The following WNK1 variants were observed in gnomAD, a reference collection of about 807,000 sequenced individuals.
WNK1 encodes WNK lysine deficient protein kinase 1.
WNK1 carries 38 observed loss-of-function variants against 222.8 expected under a neutral mutation model. That is an observed-to-expected ratio of 0.17 (90% CI 0.13 to 0.22). The LOEUF (loss-of-function observed/expected upper bound fraction) is 0.22, where lower values mean the gene tolerates loss of function less well. Ranked by LOEUF, WNK1 falls within the 10% of genes least tolerant of loss-of-function variation. The pLI is 1.00. For synonymous variants in WNK1, 1,090 were observed against 1,092.9 expected (o/e 1.00, Z 0.05); for missense variants, 2,348 against 2,918.4 (o/e 0.80, Z 4.50).
chr12:844,139 T>C (rs1361842635), intron 4 of WNK1, among the ~76,000 whole-genome samples: 1 of 151,642 alleles, frequency 6.6e-6, no homozygotes, highest in African/African-American at 2.4e-5. Context: ...TATTTTATTT[T>C]ATTTTTTTTT....
At chr12:802,954 A>G (rs563304013) in intron 1 of WNK1, among the ~76,000 whole-genome samples, 2 of 152,344 alleles carry the variant, frequency 1.3e-5, no homozygotes, top group African/African-American at 4.8e-5. Context: ...CATAGTATTC[A>G]TATTTTGAAC....
chr12:868,064 G>T (rs771816071), intron 8 of WNK1: 2 of 1,614,020 alleles, frequency 1.2e-6, no homozygotes, highest in Admixed American at 1.7e-5. Flanking sequence ...GCTGAGGACT[G>T]TTGGCCAAAG....
intron 21 of WNK1, among the ~76,000 whole-genome samples, chr12:889,864 T>C (rs1954044255): frequency 6.6e-6 from 1 of 152,008 alleles, no homozygotes; most frequent in Admixed American, 6.6e-5. Flanking sequence ...TCTGTGAATA[T>C]CCAAGTTATA....
chr12:779,272 C>T (rs1245933767), intron 1 of WNK1, among the ~76,000 whole-genome samples: 1 of 152,060 alleles, frequency 6.6e-6, no homozygotes, highest in Non-Finnish European at 1.5e-5. Context: ...CTTCAGATTT[C>T]GAATTCCCTG....
intron 9 of WNK1, 64 bp downstream of exon 9, chr12:871,412 G>A: frequency 1.9e-6 from 3 of 1,543,694 alleles, no homozygotes; most frequent in Non-Finnish European, 8.9e-7. Flanking sequence ...TTTAACTTTT[G>A]TGATTTGTTA....
intron 5 of WNK1, 61 bp downstream of exon 5, chr12:857,310 G>C: frequency 7.3e-7 from 1 of 1,374,398 alleles, no homozygotes; most frequent in Non-Finnish European, 1.0e-6. Flanking sequence ...AATGTGCTTT[G>C]AGTACAACAC....
At chr12:818,328 T>A (rs2154018513) in intron 2 of WNK1, among the ~76,000 whole-genome samples, 1 of 152,330 alleles carries the variant, frequency 6.6e-6, no homozygotes, top group South Asian at 2.1e-4. Context: ...AGCATTAGAC[T>A]TGCAGTAGAA....
At chr12:892,809 G>T (rs956866355) in intron 22 of WNK1, among the ~76,000 whole-genome samples, 2 of 152,140 alleles carry the variant, frequency 1.3e-5, no homozygotes, top group Non-Finnish European at 1.5e-5. Context: ...AAATTCAGGG[G>T]TCTAATAGCC....
intron 3 of WNK1, 130 bp from the exon 4 acceptor site, chr12:829,873 T>C (rs931122222): frequency 1.1e-6 from 1 of 920,196 alleles, no homozygotes; most frequent in Non-Finnish European, 1.8e-6. Flanking sequence ...TCCTCTTTTC[T>C]CCCCCTTTCC....
At chr12:822,208 C>G (rs577041019) in intron 2 of WNK1, among the ~76,000 whole-genome samples, 3 of 151,376 alleles carry the variant, frequency 2.0e-5, no homozygotes, top group Admixed American at 2.0e-4. Context: ...ATTCTCCTGC[C>G]TCAGCCTCCT....
intron 26 of WNK1, chr12:906,599 C>T (rs1046831685): frequency 1.5e-5 from 15 of 985,238 alleles, no homozygotes; most frequent in Non-Finnish European, 1.7e-5. Flanking sequence ...CAGTCCTTTC[C>T]TCATGAATAA....
At position 887,095 on chromosome 12, in the gene WNK1, A is replaced by C. The variant is rs1455694341; in HGVS notation, c.5281-126A>C. 5 of 887,482 alleles carry C rather than the reference A, an allele frequency of 5.6e-6. No homozygotes were observed. In the African/African-American group the frequency reaches 8.3e-5, roughly 15 times the overall value. 55.0% of individuals were successfully genotyped at this position (887,482 alleles called of 1,614,324 possible). ...GATACCAGAGAGTAACCTCAGTGAT[A>C]AACATGTCTTAACTATATATATTTT... On this transcript the variant is annotated intron_variant, in intron 19 of 27. Coordinates refer to ENST00000315939, the MANE Select transcript of WNK1 (RefSeq NM_018979.4).
intron 4 of WNK1, among the ~76,000 whole-genome samples, chr12:855,756 C>T (rs1363946525): frequency 6.6e-6 from 1 of 152,124 alleles, no homozygotes; most frequent in Non-Finnish European, 1.5e-5. Flanking sequence ...AGATCTTTTT[C>T]TCTTTCACCC....
In WNK1 at chr12:880,848, C is replaced by T. The variant is rs779451133; in HGVS notation, c.2960C>T (p.Thr987Ile). 6.8e-6 allele frequency: 11 copies of T among 1,614,104 alleles called. No individual in the cohort carries two copies. The highest frequency in any genetic ancestry group is 4.2e-6 in the Non-Finnish European group (5 of 1,180,022). The change falls in exon 12 of 28, where the codon ACA (threonine) becomes ATA (isoleucine). Residue 987 changes from threonine (T) to isoleucine (I), a missense_variant. This residue lies in a region of WNK1 where 547 missense variants were observed against 558.3 expected (regional missense o/e 0.98). Coordinates refer to ENST00000315939, the MANE Select transcript of WNK1 (RefSeq NM_018979.4). ...SPPMPTEVLA[T>I]PGYFPTVVQP... ...CCCATGCCGACAGAAGTACTGGCTA[C>T]ACCTGGGTACTTTCCCACAGTGGTG...
rs775677046 is a variant in WNK1 at position 879,723 on chromosome 12, T to G, written c.2524T>G (p.Ser842Ala). The change falls in exon 11 of 28, where the codon TCT becomes GCT. Residue 842 changes from serine to alanine, a missense_variant. Coordinates refer to ENST00000315939, the MANE Select transcript of WNK1 (RefSeq NM_018979.4). ...PTPLLPQYPVSQIPISTPHVS... is the reference protein window; with the variant it reads ...PTPLLPQYPVAQIPISTPHVS... ...TCCCTTGCTCCCTCAGTACCCTGTCTCTCAGATTCCCATATCAACTCCTCA... is the reference window on the plus strand; with the variant it reads ...TCCCTTGCTCCCTCAGTACCCTGTCGCTCAGATTCCCATATCAACTCCTCA... The G allele has an allele frequency of 7.4e-6, 12 of 1,614,034 alleles. No homozygotes were observed. In the Admixed American group the frequency reaches 1.8e-4, roughly 25 times the overall value.
Position 859,405 on chromosome 12 carries a change from G to A in WNK1, c.1561G>A (p.Ala521Thr). Residue 521 changes from alanine (A) to threonine (T), a missense_variant, in exon 6 of 28, where the codon GCT (alanine) becomes ACT (threonine). Ala to Thr is a moderately conservative substitution (Grantham distance 58). Around this residue, in one of 13 missense-constraint regions of WNK1, gnomAD observed 37 missense variants for 102.8 expected, o/e 0.36. Transcript: ENST00000315939. ...AAAGGGAAAATACAAAGATAATGAAGCTATTGAGTTTTCTTTTGATTTAGA... is the reference window on the plus strand; with the variant it reads ...AAAGGGAAAATACAAAGATAATGAAACTATTGAGTTTTCTTTTGATTTAGA... The part of the protein sequence containing the change: ...KLKGKYKDNE[A>T]IEFSFDLERD... 1 of 1,612,778 alleles carries A rather than the reference G, an allele frequency of 6.2e-7. No individual in the cohort carries two copies. The highest frequency in any genetic ancestry group is 8.5e-7 in the Non-Finnish European group (1 of 1,179,358).
Position 752,687 on chromosome 12 carries a change from C to T in WNK1, c.-879C>T, listed in dbSNP as rs1939391732. The T allele has an allele frequency of 6.6e-6, 1 of 152,410 alleles. No individual in the cohort carries two copies. Among genetic ancestry groups the T allele is most frequent in the South Asian group, 2.1e-4 (1 of 4,838 alleles). 9.4% of individuals were successfully genotyped at this position (152,410 alleles called of 1,614,324 possible). ...GACAGAAGGCGCCTGGTGGGGGTGG[C>T]TGCTCTTTTCTCTCCCTGTTCCCCC... is the stretch of plus-strand genomic sequence containing the variant. On this transcript the variant is annotated 5_prime_UTR_variant, in exon 1 of 28. Transcript: ENST00000315939.
chr12:899,060 G>A (rs1954995120), intron 25 of WNK1, among the ~76,000 whole-genome samples: 1 of 152,078 alleles, frequency 6.6e-6, no homozygotes, highest in African/African-American at 2.4e-5. Context: ...TTTTAATTGG[G>A]ATAGATAGAG....
Position 865,199 on chromosome 12 carries a change from C to T in WNK1, c.2139+2929C>T, listed in dbSNP as rs1409792778. ...CATCTCTCCCAGTGCTCTTCCACCCCACCGCCAGTACTGTCTGCACCTCTT... is the reference window on the plus strand; with the variant it reads ...CATCTCTCCCAGTGCTCTTCCACCCTACCGCCAGTACTGTCTGCACCTCTT... On this transcript the variant is annotated intron_variant, in intron 8 of 27. Coordinates refer to ENST00000315939, the MANE Select transcript of WNK1 (RefSeq NM_018979.4). The T allele has an allele frequency of 3.3e-6, 5 of 1,535,900 alleles. No individual in the cohort carries two copies. Among genetic ancestry groups the T allele is most frequent in the East Asian group, 2.4e-5 (1 of 40,922 alleles).
Sources: gnomAD v4.1 joint callset for allele counts (sites outside exome capture counted in the v4.1 genomes callset) on GRCh38, gnomAD v4.1.1 for gene constraint, gnomAD v4.1.1 regional missense constraint, MANE v1.5 for transcripts, NCBI Gene and HGNC (gene_info 2026-07-23, HGNC 2026-07-21) for gene names.